Variants in SEMA3D observed in about 807,000 individuals in gnomAD.
The protein encoded by SEMA3D is semaphorin-3D.
A neutral mutation model predicts 100.1 loss-of-function variants in SEMA3D; 84 were observed. The observed-to-expected ratio is 0.84, with a 90% CI of 0.70 to 1.01. The LOEUF (loss-of-function observed/expected upper bound fraction) is 1.01. SEMA3D is among the 50% of genes least tolerant of loss of function. The pLI is 0.00. For synonymous variants in SEMA3D, 312 were observed against 320.7 expected (o/e 0.97, Z 0.29); for missense variants, 875 against 934.1 (o/e 0.94, Z 0.82).
chr7:85,019,491 G>C (rs1790194829), intron 14 of SEMA3D, among the ~76,000 whole-genome samples: 2 of 151,604 alleles, frequency 1.3e-5, no homozygotes, highest in African/African-American at 2.4e-5. Context: ...ACAGAGGAAG[G>C]CTTTATTCTC....
At chr7:85,138,208 C>T (rs927524773) in intron 2 of SEMA3D, among the ~76,000 whole-genome samples, 1 of 152,112 alleles carries the variant, frequency 6.6e-6, no homozygotes, top group Non-Finnish European at 1.5e-5. Flanking sequence ...TGTTCTGACT[C>T]ATTAAACAAT....
intron 17 of SEMA3D, among the ~76,000 whole-genome samples, chr7:85,009,587 A>T (rs574722407): frequency 0.011 from 706 of 62,820 alleles, 4 homozygotes; most frequent in African/African-American, 0.063. Context: ...CTTTTATTTA[A>T]AAAAAAAAAC....
chr7:85,132,731 C>T (rs757103977), intron 2 of SEMA3D, among the ~76,000 whole-genome samples: 8 of 151,646 alleles, frequency 5.3e-5, no homozygotes, highest in African/African-American at 1.9e-4. Context: ...ATAATTAATA[C>T]AAGTTTTATA....
the SEMA3D span, among the ~76,000 whole-genome samples, chr7:85,196,940 T>C: frequency 6.6e-6 from 1 of 152,184 alleles, no homozygotes; most frequent in Non-Finnish European, 1.5e-5. Flanking sequence ...TCTGATTTTT[T>C]TATCTTGCCC....
At chr7:85,185,304 C>T (rs1329875864) in intron 1 of SEMA3D, among the ~76,000 whole-genome samples, 1 of 152,076 alleles carries the variant, frequency 6.6e-6, no homozygotes, top group East Asian at 1.9e-4. Context: ...TCAACCCTTC[C>T]CTCTCTGTTA....
rs141296117 is a variant in SEMA3D at position 85,080,642 on chromosome 7, G to A, written c.375+875C>T. 4.5e-4 allele frequency among the ~76,000 whole-genome samples: 69 copies of A among 152,212 alleles called. 1 individual carries two copies. In the East Asian group the frequency reaches 0.013, roughly 28 times the overall value. ...AATGTGATTTATTTTGCCAAAAAAA[G>A]GAGCAATTCTCCCCATTACCATAAT... On this transcript the variant is annotated intron_variant, in intron 5 of 18. Transcript: ENST00000284136.
chr7:85,244,395 A>G, the SEMA3D span, among the ~76,000 whole-genome samples: 2 of 152,282 alleles, frequency 1.3e-5, no homozygotes, highest in South Asian at 4.1e-4. Context: ...CAACACTGCC[A>G]TATTGGGAGT....
chr7:85,140,905 C>G (rs1046457981), intron 2 of SEMA3D: 19 of 634,740 alleles, frequency 3.0e-5, no homozygotes, highest in African/African-American at 4.0e-5. Flanking sequence ...CCTATCAACA[C>G]CTCAGTTAGA....
At chr7:85,247,148 A>G in the SEMA3D span, among the ~76,000 whole-genome samples, 1 of 152,048 alleles carries the variant, frequency 6.6e-6, no homozygotes, top group African/African-American at 2.4e-5. Flanking sequence ...CATCCTGCCT[A>G]TATTGATTAA....
At chr7:85,047,195 T>G (rs1024875900) in intron 9 of SEMA3D, among the ~76,000 whole-genome samples, 3 of 151,894 alleles carry the variant, frequency 2.0e-5, no homozygotes, top group African/African-American at 7.2e-5. Flanking sequence ...AACCACAATT[T>G]GCAATCCTTC....
chr7:85,110,578 T>C (rs749570666), intron 3 of SEMA3D, among the ~76,000 whole-genome samples: 19 of 152,004 alleles, frequency 1.2e-4, no homozygotes, highest in Non-Finnish European at 7.4e-5. Flanking sequence ...ATGAACAAGA[T>C]GCATTTATTA....
chr7:85,184,604 G>T (rs1209512208), intron 1 of SEMA3D, among the ~76,000 whole-genome samples: 2 of 152,104 alleles, frequency 1.3e-5, no homozygotes, highest in African/African-American at 2.4e-5. Context: ...AACACAATAG[G>T]TGTTTGATAA....
chr7:85,146,905 G>T (rs1562834773), intron 2 of SEMA3D, among the ~76,000 whole-genome samples: 2 of 151,904 alleles, frequency 1.3e-5, no homozygotes. Context: ...TTCAGGAATA[G>T]AAAGTCTAAA....
At chr7:85,185,861 C>T (rs528732846) in intron 1 of SEMA3D, among the ~76,000 whole-genome samples, 1 of 152,300 alleles carries the variant, frequency 6.6e-6, no homozygotes, top group South Asian at 2.1e-4. Flanking sequence ...ACCCTGGGGA[C>T]CGCACTCCTG....
intron 2 of SEMA3D, 134 bp from the exon 3 acceptor site, chr7:85,122,065 C>T (rs1029643906): frequency 3.9e-6 from 2 of 506,716 alleles, no homozygotes; most frequent in African/African-American, 4.0e-5. Context: ...GGGAGGGGAA[C>T]ATAGCATACC....
chr7:85,004,196 G>GA (rs1035183246), intron 18 of SEMA3D, among the ~76,000 whole-genome samples: 6 of 151,390 alleles, frequency 4.0e-5, no homozygotes, highest in Non-Finnish European at 8.8e-5. Flanking sequence ...AATGGTGAGT[G>GA]AAAAAAAAGC....
At chr7:85,182,301 A>AT (rs1268397035) in intron 1 of SEMA3D, among the ~76,000 whole-genome samples, 1 of 152,078 alleles carries the variant, frequency 6.6e-6, no homozygotes, top group Non-Finnish European at 1.5e-5. Flanking sequence ...GTCTCTCACA[A>AT]TTTTTTATGA....
Position 85,043,549 on chromosome 7 carries a change from C to T in SEMA3D, c.862-1264G>A, listed in dbSNP as rs375026067. On this transcript the variant is annotated intron_variant, in intron 9 of 18. Transcript: ENST00000284136. ...ATAATTCAGCATAAAAATTTATGTC[C>T]TCATTTTTAAATTAATATATACCTG... 2.0e-5 allele frequency among the ~76,000 whole-genome samples: 3 copies of T among 151,982 alleles called. No homozygotes were observed. In the South Asian group the frequency reaches 6.2e-4, roughly 32 times the overall value.
rs1258273258 is a variant in SEMA3D at position 84,997,304 on chromosome 7, G to C, written c.*2136C>G. 1.3e-5 allele frequency: 2 copies of C among 151,772 alleles called. No homozygotes were observed. Among genetic ancestry groups the C allele is most frequent in the Non-Finnish European group, 2.9e-5 (2 of 67,880 alleles). 9.4% of individuals were successfully genotyped at this position (151,772 alleles called of 1,614,324 possible). A position where few individuals can be genotyped will look rare whatever the true frequency, so the allele number is the denominator to read the frequency against. ...ATTACTGTCGGACCCACAAATATTT[G>C]GAAATTTTTTTTAAATTAAAAATGT... On this transcript the variant is annotated 3_prime_UTR_variant, in exon 19 of 19. Coordinates refer to ENST00000284136, the MANE Select transcript of SEMA3D (RefSeq NM_001384900.1).
Sources: allele counts gnomAD v4.1 joint callset (sites outside exome capture counted in the v4.1 genomes callset), GRCh38; gene constraint gnomAD v4.1.1; transcripts MANE v1.5; gene names NCBI Gene and HGNC (gene_info 2026-07-23, HGNC 2026-07-21).